Variants in WRN observed in about 807,000 individuals in gnomAD.
WRN encodes the protein WRN RecQ like helicase.
Under a neutral mutation model 180.7 loss-of-function variants are expected in WRN, and 149 were observed. That is an observed-to-expected ratio of 0.82 (90% confidence interval 0.72 to 0.94). The LOEUF (loss-of-function observed/expected upper bound fraction) is 0.94, where lower values mean the gene tolerates loss of function less well. WRN is among the 40% of genes least tolerant of loss of function. WRN has a pLI of 0.00. For synonymous variants in WRN, 548 were observed against 568.9 expected, an observed-to-expected ratio of 0.96 and a Z score of 0.52; for missense variants, 1,661 against 1,700.1, an observed-to-expected ratio of 0.98 and a Z score of 0.40.
At chr8:31,172,968 A>G (rs764763708) in intron 34 of WRN, 27 bp from the exon 35 acceptor site, 7 of 1,608,442 alleles carry the variant, frequency 4.4e-6, no homozygotes, top group African/African-American at 1.3e-5. Context: ...CAAAGATTTG[A>G]TTTCTTTTTC....
In WRN at chr8:31,174,864, TTC is replaced by T. The variant is rs1205202190; in HGVS notation, c.*1766_*1767del. The stretch of plus-strand genomic sequence containing the variant: ...CCCTCCCTCCCTCCTTTCTTTTTCT[TTC>T]TCTTTCTTTCTTTCTTTCTCTCTCT... On this transcript the variant is annotated 3_prime_UTR_variant, in exon 35 of 35. Transcript: ENST00000298139. Among the ~76,000 whole-genome samples, 7 of 109,666 alleles carry T rather than the reference TTC, an allele frequency of 6.4e-5. No homozygotes were observed. The highest frequency in any genetic ancestry group is 9.6e-5 in the Admixed American group (1 of 10,370). The allele number at this position is 109,666 out of a possible 152,430, so 71.9% of individuals were successfully genotyped here.
At chr8:31,081,638 C>T (rs746066007) in intron 9 of WRN, among the ~76,000 whole-genome samples, 4 of 152,204 alleles carry the variant, frequency 2.6e-5, no homozygotes, top group African/African-American at 4.8e-5. Flanking sequence ...TTTATAATTT[C>T]GTATGCTTTT....
At chr8:31,090,664 A>G (rs576830451) in intron 14 of WRN, 132 bp downstream of exon 14, 3 of 1,119,078 alleles carry the variant, frequency 2.7e-6, no homozygotes, top group Non-Finnish European at 3.9e-6. Flanking sequence ...AAGAGAGTGA[A>G]CAAAGAACAG....
At chr8:31,062,211 A>C (rs1352189834) in intron 3 of WRN, among the ~76,000 whole-genome samples, 1 of 151,950 alleles carries the variant, frequency 6.6e-6, no homozygotes, top group African/African-American at 2.4e-5. Flanking sequence ...CCAAGTTTAG[A>C]TTTGTTTGTG....
intron 8 of WRN, among the ~76,000 whole-genome samples, chr8:31,080,202 G>A (rs1487391992): frequency 2.0e-5 from 3 of 152,142 alleles, no homozygotes; most frequent in African/African-American, 7.2e-5. Flanking sequence ...TTAACTTAAA[G>A]TGTTAATGTT....
At chr8:31,157,784 G>C (rs1803447500) in intron 33 of WRN, among the ~76,000 whole-genome samples, 1 of 152,160 alleles carries the variant, frequency 6.6e-6, no homozygotes. Context: ...CTGGAGTGCA[G>C]TGGCGTGATC....
At chr8:31,142,443 G>A (rs1802677690) in intron 26 of WRN, among the ~76,000 whole-genome samples, 183 bp from the exon 27 acceptor site, 1 of 151,996 alleles carries the variant, frequency 6.6e-6, no homozygotes, top group Non-Finnish European at 1.5e-5. Flanking sequence ...TCACTTGTGA[G>A]TTTTTTCTTT....
chr8:31,171,719 T>A (rs1238100541), intron 34 of WRN: 2 of 152,248 alleles, frequency 1.3e-5, no homozygotes, highest in Admixed American at 6.5e-5. Context: ...ATATAAAGTT[T>A]CAGAGTCTTC....
At chr8:31,169,032 T>A (rs948685276) in intron 34 of WRN, among the ~76,000 whole-genome samples, 10 of 152,076 alleles carry the variant, frequency 6.6e-5, no homozygotes, top group African/African-American at 2.4e-4. Context: ...ATAGTTTTTT[T>A]AAAATTTCAT....
At chr8:31,164,741 T>TA (rs1803782224) in intron 33 of WRN, among the ~76,000 whole-genome samples, 1 of 152,162 alleles carries the variant, frequency 6.6e-6, no homozygotes, top group South Asian at 2.1e-4. Context: ...ACTGGAAAAT[T>TA]AAGAGTGGCT....
chr8:31,138,383 A>C lies in WRN; in HGVS notation c.2968-3047A>C, dbSNP rs569219241. Among the ~76,000 whole-genome samples, 12 of 152,262 alleles carry C rather than the reference A, an allele frequency of 7.9e-5. No homozygotes were observed. The South Asian group carries it at 2.5e-3, about 32-fold the overall frequency. On this transcript the variant is annotated intron_variant, in intron 24 of 34. Coordinates refer to ENST00000298139, the MANE Select transcript of WRN (RefSeq NM_000553.6). ...GTTATGGGTTACCTATAGTAAAATG[A>C]TTACTATAATGAAACTAATTAACAT...
intron 24 of WRN, among the ~76,000 whole-genome samples, chr8:31,140,011 T>TTTG (rs1802553257): frequency 9.6e-6 from 1 of 103,834 alleles, no homozygotes; most frequent in Non-Finnish European, 2.0e-5. Context: ...TTGTTTTTTT[T>TTTG]TTTTTTTTTT....
At chr8:31,077,282 C>G (rs1398991612) in intron 8 of WRN, among the ~76,000 whole-genome samples, 1 of 152,044 alleles carries the variant, frequency 6.6e-6, no homozygotes, top group Non-Finnish European at 1.5e-5. Context: ...GCTTTGTTGC[C>G]CAGGCTGGAG....
intron 1 of WRN, among the ~76,000 whole-genome samples, chr8:31,045,192 C>T (rs1811810928): frequency 1.3e-5 from 2 of 152,118 alleles, no homozygotes; most frequent in Admixed American, 1.3e-4. Context: ...TATTTCTGGA[C>T]ATGGCAAGTT....
intron 34 of WRN, among the ~76,000 whole-genome samples, chr8:31,168,364 G>A (rs145145306): frequency 1.3e-4 from 20 of 152,084 alleles, no homozygotes; most frequent in African/African-American, 3.1e-4. Flanking sequence ...TATAGAAAAC[G>A]GTGTAACTTA....
chr8:31,112,916 T>A (rs1187484091), intron 19 of WRN, among the ~76,000 whole-genome samples: 2 of 152,112 alleles, frequency 1.3e-5, no homozygotes, highest in Non-Finnish European at 2.9e-5. Context: ...TTAAAATAAA[T>A]GCTTCTTGTC....
chr8:31,075,018 A>C (rs148674930), intron 7 of WRN, among the ~76,000 whole-genome samples: 1 of 152,138 alleles, frequency 6.6e-6, no homozygotes, highest in African/African-American at 2.4e-5. Context: ...CGGTATGACT[A>C]TGGAATTGAG....
chr8:31,165,686 A>C lies in WRN; in HGVS notation c.3983-1336A>C, dbSNP rs557331905. Among the ~76,000 whole-genome samples the C allele has an allele frequency of 3.9e-5, 6 of 152,218 alleles. 1 individual carries two copies. The highest frequency in any genetic ancestry group is 1.4e-4 in the African/African-American group (6 of 41,566). On this transcript the variant is annotated intron_variant, in intron 33 of 34. Coordinates refer to ENST00000298139, the MANE Select transcript of WRN (RefSeq NM_000553.6). ...CTTGATCTGTGTTTAGCTTTTGTAA[A>C]ATTTACTGTTGAACAACGTGGACTA... is the stretch of plus-strand genomic sequence containing the variant.
At chr8:31,103,985 C>G (rs547171478) in intron 18 of WRN, among the ~76,000 whole-genome samples, 6 of 152,298 alleles carry the variant, frequency 3.9e-5, no homozygotes, top group African/African-American at 1.4e-4. Flanking sequence ...CCACCTGCCT[C>G]GGCCTCCCAA....
Sources: gnomAD v4.1 joint callset for allele counts (sites outside exome capture counted in the v4.1 genomes callset) on GRCh38, gnomAD v4.1.1 for gene constraint, MANE v1.5 for transcripts, NCBI Gene and HGNC (gene_info 2026-07-23, HGNC 2026-07-21) for gene names.